Variants in NCR3LG1 observed in about 807,000 individuals in gnomAD.
The protein encoded by NCR3LG1 is natural cytotoxicity triggering receptor 3 ligand 1.
In NCR3LG1, 35 loss-of-function variants were observed where a neutral mutation model predicts 34.8. That is an observed-to-expected ratio of 1.01 (90% CI 0.77 to 1.33). The LOEUF (loss-of-function observed/expected upper bound fraction) is 1.33. Ranked by LOEUF, NCR3LG1 falls within the 40% of genes most tolerant of loss-of-function variation. NCR3LG1 has a pLI of 0.00. For missense variants in NCR3LG1, 452 were observed against 423.3 expected (o/e 1.07, Z -0.60); for synonymous variants, 173 against 163.6 (o/e 1.06, Z -0.44).
chr11:17,366,422 CT>C lies in NCR3LG1; in HGVS notation c.422-586del, dbSNP rs143746479. 2.9e-3 allele frequency among the ~76,000 whole-genome samples: 435 copies of C among 152,256 alleles called. 4 individuals carry two copies. Among genetic ancestry groups the C allele is most frequent in the African/African-American group, 0.01 (416 of 41,538 alleles). ...GCATAAATCCAGGCCTACTAGACCC[CT>C]GAGTTTGCATGACCAAACATACCTG... On this transcript the variant is annotated intron_variant, in intron 2 of 4. Coordinates refer to ENST00000338965, the MANE Select transcript of NCR3LG1 (RefSeq NM_001202439.3).
chr11:17,358,173 A>G (rs995358181), intron 2 of NCR3LG1, among the ~76,000 whole-genome samples: 1 of 152,166 alleles, frequency 6.6e-6, no homozygotes, highest in Non-Finnish European at 1.5e-5. Flanking sequence ...TAATGAACCC[A>G]TATTGACATT....
At chr11:17,352,083 C>A in intron 1 of NCR3LG1, 44 bp downstream of exon 1, 1 of 1,371,342 alleles carries the variant, frequency 7.3e-7, no homozygotes. Context: ...CTCCTGGCGC[C>A]AGAGGGTCCT....
chr11:17,375,136 G>A lies in NCR3LG1; in HGVS notation c.*2624G>A, dbSNP rs922383385. 5 of 152,188 alleles carry A rather than the reference G, an allele frequency of 3.3e-5. No homozygotes were observed. Among genetic ancestry groups the A allele is most frequent in the Admixed American group, 1.3e-4 (2 of 15,286 alleles). The allele number at this position is 152,188 out of a possible 1,614,324, so 9.4% of individuals were successfully genotyped here. ...TGGCAGGCTTGCTGTCCTCTAAAGC[G>A]AGTCTCTGGCTAACAGACAGCTGCC... On this transcript the variant is annotated 3_prime_UTR_variant, in exon 5 of 5. Transcript: ENST00000338965.
rs1201718451 is a variant in NCR3LG1, at chr11:17,372,158, G to A, written c.1011G>A (p.Trp337Ter). 2.8e-6 allele frequency: 2 copies of A among 703,004 alleles called. No individual in the cohort carries two copies. The highest frequency in any genetic ancestry group is 1.7e-5 in the African/African-American group (1 of 57,380). 43.5% of individuals were successfully genotyped at this position (703,004 alleles called of 1,614,324 possible). A position where few individuals can be genotyped will look rare whatever the true frequency, so the allele number is the denominator to read the frequency against. Reference sequence around the variant, plus strand: ...ACCAGCTGCAGGATGGGGAGGCTTGGCCTCCTGAGGGAAGTGTTAATATTA... The same window carrying A: ...ACCAGCTGCAGGATGGGGAGGCTTGACCTCCTGAGGGAAGTGTTAATATTA... Reference protein sequence around the residue: ...PSYQLQDGEAWPPEGSVNINT... With the variant: ...PSYQLQDGEA Residue 337 changes from tryptophan to a stop codon, truncating the protein, a stop_gained, in exon 5 of 5, where the codon TGG becomes TGA. Coordinates refer to ENST00000338965, the MANE Select transcript of NCR3LG1 (RefSeq NM_001202439.3). LOFTEE classifies it high-confidence loss of function.
At position 17,374,716 on chromosome 11, in the gene NCR3LG1, A is replaced by G. The variant is rs1169200245; in HGVS notation, c.*2204A>G. On this transcript the variant is annotated 3_prime_UTR_variant, in exon 5 of 5. Coordinates refer to ENST00000338965, the MANE Select transcript of NCR3LG1 (RefSeq NM_001202439.3). ...TGGGCATTACAGGTTTTTGTAGGTT[A>G]TAGATACCCAGGTATGATAAAATAG... 6.6e-6 allele frequency: 1 copy of G among 152,186 alleles called. No individual in the cohort carries two copies. The highest frequency in any genetic ancestry group is 2.4e-5 in the African/African-American group (1 of 41,458). The allele number at this position is 152,186 out of a possible 1,614,324, so 9.4% of individuals were successfully genotyped here. A position where few individuals can be genotyped will look rare whatever the true frequency, so the allele number is the denominator to read the frequency against.
Position 17,372,675 on chromosome 11 carries a change from T to C in NCR3LG1, c.*163T>C. The C allele has an allele frequency of 1.8e-6, 1 of 569,922 alleles. No homozygotes were observed. The highest frequency in any genetic ancestry group is 3.1e-5 in the Admixed American group (1 of 32,102). 35.3% of individuals were successfully genotyped at this position (569,922 alleles called of 1,614,324 possible). On this transcript the variant is annotated 3_prime_UTR_variant, in exon 5 of 5. Coordinates refer to ENST00000338965, the MANE Select transcript of NCR3LG1 (RefSeq NM_001202439.3). ...TTTGACCTTACTTGGGGTGATGTTA[T>C]GTTGCTCTTAAACTCTTAACTACTA...
At chr11:17,379,865 G>A (rs1591691211), downstream of NCR3LG1, among the ~76,000 whole-genome samples, 1 of 152,342 alleles carries the variant, frequency 6.6e-6, no homozygotes, top group East Asian at 1.9e-4. Flanking sequence ...CAAAAGAAGT[G>A]TGGTAGCCAC....
intron 1 of NCR3LG1, among the ~76,000 whole-genome samples, chr11:17,356,187 G>T (rs577294781): frequency 1.1e-4 from 16 of 146,640 alleles, no homozygotes; most frequent in Middle Eastern, 3.5e-3. Context: ...ACCCAGGCTG[G>T]AGTGCAGTGG....
chr11:17,378,439 G>T (rs1953494831), downstream of NCR3LG1, among the ~76,000 whole-genome samples: 1 of 152,092 alleles, frequency 6.6e-6, no homozygotes, highest in South Asian at 2.1e-4. Flanking sequence ...ACTAATGTTT[G>T]GACTTTGTAT....
chr11:17,371,014 C>A (rs547611366), intron 4 of NCR3LG1, among the ~76,000 whole-genome samples: 1 of 152,236 alleles, frequency 6.6e-6, no homozygotes, highest in Non-Finnish European at 1.5e-5. Context: ...GCCTTTTTGT[C>A]CCCCAGTGAT....
intron 1 of NCR3LG1, among the ~76,000 whole-genome samples, chr11:17,355,195 G>A (rs912039169): frequency 2.6e-5 from 4 of 152,116 alleles, no homozygotes; most frequent in African/African-American, 9.7e-5. Flanking sequence ...CCAGGAGTTA[G>A]AGACCAGTCT....
Position 17,363,092 on chromosome 11 carries a change from A to AT in NCR3LG1, c.422-3901dup, listed in dbSNP as rs71457873. ...TGCACCACCATGCCCTGCTAATTTA[A>AT]TTTTTTTTTTTTTTTTAAGAGATGG... On this transcript the variant is annotated intron_variant, in intron 2 of 4. Coordinates refer to ENST00000338965, the MANE Select transcript of NCR3LG1 (RefSeq NM_001202439.3). Among the ~76,000 whole-genome samples the AT allele has an allele frequency of 6.2e-3, 845 of 135,772 alleles. 7 individuals are homozygous for AT. Among genetic ancestry groups the AT allele is most frequent in the South Asian group, 0.016 (66 of 4,090 alleles). 89.1% of individuals were successfully genotyped at this position (135,772 alleles called of 152,430 possible). A position where few individuals can be genotyped will look rare whatever the true frequency, so the allele number is the denominator to read the frequency against.
downstream of NCR3LG1, among the ~76,000 whole-genome samples, chr11:17,378,648 C>T (rs1484469261): frequency 6.6e-6 from 1 of 152,142 alleles, no homozygotes; most frequent in Non-Finnish European, 1.5e-5. Context: ...CGTCCACTTT[C>T]CCCAACAGCA....
chr11:17,352,243 C>G (rs1269629877), intron 1 of NCR3LG1, among the ~76,000 whole-genome samples: 5 of 142,814 alleles, frequency 3.5e-5, no homozygotes, highest in Non-Finnish European at 6.0e-5. Context: ...TGAAGTGGCG[C>G]GATCTCGGCT....
At chr11:17,371,385 G>A (rs958284233) in intron 4 of NCR3LG1, among the ~76,000 whole-genome samples, 1 of 152,008 alleles carries the variant, frequency 6.6e-6, no homozygotes, top group Non-Finnish European at 1.5e-5. Context: ...CCCTCTTTCA[G>A]TGATCAGGCC....
At chr11:17,352,254 C>T (rs1459179218) in intron 1 of NCR3LG1, among the ~76,000 whole-genome samples, 3 of 148,424 alleles carry the variant, frequency 2.0e-5, no homozygotes, top group African/African-American at 7.4e-5. Flanking sequence ...GATCTCGGCT[C>T]ACTGCAAGCT....
In NCR3LG1 at chr11:17,367,180, C is replaced by T; in HGVS notation, c.593C>T (p.Pro198Leu). 1 of 1,536,558 alleles carries T rather than the reference C, an allele frequency of 6.5e-7. No homozygotes were observed. ...IEISEDVITG[P>L]TIKNMDGTFN... is the part of the protein sequence containing the mutation. ...ATTTCTGAGGATGTCATCACTGGTC[C>T]CACCATCAAGAATATGGATGGCACA... The change falls in exon 3 of 5, where the codon CCC (proline) becomes CTC (leucine). Residue 198 changes from proline (P) to leucine (L), a missense_variant. Pro to Leu is a moderately conservative substitution (Grantham distance 98, BLOSUM62 -3). Transcript: ENST00000338965.
intron 2 of NCR3LG1, among the ~76,000 whole-genome samples, chr11:17,364,588 C>G (rs1038723390): frequency 6.6e-6 from 1 of 151,918 alleles, no homozygotes; most frequent in Non-Finnish European, 1.5e-5. Context: ...CTCTTGTTGC[C>G]CAGTCTGGAG....
At position 17,356,907 on chromosome 11, in the gene NCR3LG1, G is replaced by T; in HGVS notation, c.327G>T (p.Leu109=). The T allele has an allele frequency of 6.5e-7, 1 of 1,536,174 alleles. No individual in the cohort carries two copies. Among genetic ancestry groups the T allele is most frequent in the Non-Finnish European group, 8.7e-7 (1 of 1,146,928 alleles). Residue 109 remains leucine, a synonymous_variant, in exon 2 of 5, where the codon CTG becomes CTT. Coordinates refer to ENST00000338965, the MANE Select transcript of NCR3LG1 (RefSeq NM_001202439.3). ...AGAGTGGGGACGCCTCACTGCGGCT[G>T]CCTGGAATCCAGCTGGAGGAAGCAG... The part of the protein sequence containing the change: ...RLKSGDASLR[L]PGIQLEEAGE...
Sources: gnomAD v4.1 joint callset for allele counts (sites outside exome capture counted in the v4.1 genomes callset) on GRCh38, gnomAD v4.1.1 for gene constraint, MANE v1.5 for transcripts, NCBI Gene and HGNC (gene_info 2026-07-23, HGNC 2026-07-21) for gene names.